GRID2IP: variants seen among roughly 807,000 people sequenced by gnomAD.
GRID2IP encodes the protein Grid2 interacting protein, also known as delphilin.
A neutral mutation model predicts 114.3 loss-of-function variants in GRID2IP; 78 were observed. That is an observed-to-expected ratio of 0.68 (90% CI 0.57 to 0.82). GRID2IP has a LOEUF of 0.82. Ranked by LOEUF, GRID2IP falls within the 40% of genes least tolerant of loss-of-function variation. The probability of loss-of-function intolerance (pLI) is 0.00; values close to 1 mark genes in which losing one functional copy is unlikely to be tolerated. For synonymous variants in GRID2IP, 809 were observed against 724.0 expected, an observed-to-expected ratio of 1.12 and a Z score of -1.89; for missense variants, 1,727 against 1,678.5, an observed-to-expected ratio of 1.03 and a Z score of -0.51.
intron 4 of GRID2IP, among the ~76,000 whole-genome samples, chr7:6,525,536 G>C (rs1562520315): frequency 6.6e-6 from 1 of 151,900 alleles, no homozygotes; most frequent in Non-Finnish European, 1.5e-5. Context: ...GGAGGCTCTG[G>C]AGGCTCAGCT....
At chr7:6,544,747 T>C (rs1249799322) in intron 1 of GRID2IP, among the ~76,000 whole-genome samples, 1 of 152,006 alleles carries the variant, frequency 6.6e-6, no homozygotes, top group Non-Finnish European at 1.5e-5. Flanking sequence ...GGCCAGGAGT[T>C]GGAGACCAGC....
chr7:6,508,443 C>A lies in GRID2IP; in HGVS notation c.2128-42G>T. 1 of 1,549,084 alleles carries A rather than the reference C, an allele frequency of 6.5e-7. No individual in the cohort carries two copies. Among genetic ancestry groups the A allele is most frequent in the Non-Finnish European group, 8.7e-7 (1 of 1,146,462 alleles). On this transcript the variant is annotated intron_variant, in intron 12 of 21. Coordinates refer to ENST00000457091, the MANE Select transcript of GRID2IP (RefSeq NM_001145118.2). This position sits in a 1 kb window ranked among gnomAD's most constrained non-coding sequence, Gnocchi z 5.6. Reference sequence around the variant, plus strand: ...AGGCAAGGGGAGGGTGAGGCTGGGCCCAGAGAGACTAGAGCAGGTGCAAAG... The same window carrying A: ...AGGCAAGGGGAGGGTGAGGCTGGGCACAGAGAGACTAGAGCAGGTGCAAAG...
chr7:6,548,438 C>G (rs1011833870), intron 1 of GRID2IP, among the ~76,000 whole-genome samples: 9 of 152,132 alleles, frequency 5.9e-5, no homozygotes, highest in African/African-American at 2.2e-4. Flanking sequence ...ACCCCATTCT[C>G]CATGACATGC....
Position 6,508,856 on chromosome 7 carries a change from C to G in GRID2IP, c.2127+102G>C. ...GAGTGGGATAGCCTGGGGAAGATCCCAAGGGCAGCAGGCCCCTTGCGGGAG... is the reference window on the plus strand; with the variant it reads ...GAGTGGGATAGCCTGGGGAAGATCCGAAGGGCAGCAGGCCCCTTGCGGGAG... On this transcript the variant is annotated intron_variant, in intron 12 of 21. Transcript: ENST00000457091. This position sits in a 1 kb window ranked among gnomAD's most constrained non-coding sequence, Gnocchi z 5.6. The G allele has an allele frequency of 6.8e-7, 1 of 1,464,274 alleles. No individual in the cohort carries two copies. Among genetic ancestry groups the G allele is most frequent in the East Asian group, 2.5e-5 (1 of 39,962 alleles). 90.7% of individuals were successfully genotyped at this position (1,464,274 alleles called of 1,614,324 possible). A position where few individuals can be genotyped will look rare whatever the true frequency, so the allele number is the denominator to read the frequency against.
intron 1 of GRID2IP, among the ~76,000 whole-genome samples, chr7:6,544,507 T>C (rs1302665993): frequency 6.6e-6 from 1 of 151,880 alleles, no homozygotes; most frequent in Non-Finnish European, 1.5e-5. Context: ...CTCGAGCTCC[T>C]GACCTCAGGT....
chr7:6,527,610 G>A (rs776835806), intron 2 of GRID2IP, among the ~76,000 whole-genome samples: 2 of 152,178 alleles, frequency 1.3e-5, no homozygotes, highest in Non-Finnish European at 2.9e-5. Context: ...TCTCTTGAGA[G>A]AGGGTCTTGC....
rs180829374 is a variant in GRID2IP at position 6,521,699 on chromosome 7, T to C, written c.990-176A>G. Among the ~76,000 whole-genome samples, 1 of 152,284 alleles carries C rather than the reference T, an allele frequency of 6.6e-6. No homozygotes were observed. Among genetic ancestry groups the C allele is most frequent in the African/African-American group, 2.4e-5 (1 of 41,562 alleles). ...TGGTTGGAAGGATGAACTGAGGTCC[T>C]GGCTAGAGTTGGCGACTGGCGAGGA... On this transcript the variant is annotated intron_variant, in intron 5 of 21. Coordinates refer to ENST00000457091, the MANE Select transcript of GRID2IP (RefSeq NM_001145118.2). The surrounding 1 kb of genome is among the most constrained non-coding windows in gnomAD (Gnocchi z 4.1).
At chr7:6,505,745 T>C (rs1365677323) in intron 14 of GRID2IP, 75 bp downstream of exon 14, 1 of 913,982 alleles carries the variant, frequency 1.1e-6, no homozygotes, top group African/African-American at 1.6e-5. Context: ...AGTGCAGCCC[T>C]GGGAGATGCT....
At position 6,516,065 on chromosome 7, in the gene GRID2IP, C is replaced by A. The variant is rs1259880115; in HGVS notation, c.1269-1536G>T. Among the ~76,000 whole-genome samples the A allele has an allele frequency of 6.6e-6, 1 of 151,804 alleles. No homozygotes were observed. The highest frequency in any genetic ancestry group is 1.5e-5 in the Non-Finnish European group (1 of 67,988). ...TGAGCTGAGATCGCGCCATTGCACT[C>A]CAGCCTGGGTGACAGAGCAAGACCC... On this transcript the variant is annotated intron_variant, in intron 7 of 21. Transcript: ENST00000457091. The surrounding 1 kb of genome is among the most constrained non-coding windows in gnomAD (Gnocchi z 4.3).
chr7:6,508,436 G>A lies in GRID2IP; in HGVS notation c.2128-35C>T, dbSNP rs1442377298. The stretch of plus-strand genomic sequence containing the variant: ...GGGAGAGAGGCAAGGGGAGGGTGAG[G>A]CTGGGCCCAGAGAGACTAGAGCAGG... On this transcript the variant is annotated intron_variant, in intron 12 of 21. Coordinates refer to ENST00000457091, the MANE Select transcript of GRID2IP (RefSeq NM_001145118.2). The surrounding 1 kb of genome is among the most constrained non-coding windows in gnomAD (Gnocchi z 5.6). 1.3e-6 allele frequency: 2 copies of A among 1,550,060 alleles called. No individual in the cohort carries two copies. Among genetic ancestry groups the A allele is most frequent in the South Asian group, 1.2e-5 (1 of 83,978 alleles).
rs1454777493 is a variant in GRID2IP, at chr7:6,539,719, T to C, written c.583A>G (p.Arg195Gly). Residue 195 changes from arginine to glycine, a missense_variant and splice_region_variant, in exon 2 of 22, where the codon AGG becomes GGG. Arg to Gly is a moderately radical substitution (Grantham distance 125). Coordinates refer to ENST00000457091, the MANE Select transcript of GRID2IP (RefSeq NM_001145118.2). ...TATCCTGCCCCCTGCCCGCAGTACC[T>C]GAGGTTGTCCAGGAGTGGCCCGCAG... is the stretch of plus-strand genomic sequence containing the variant. ...EACGPLLDNL[R>G]IFIPKKHRAR... 5.2e-6 allele frequency: 8 copies of C among 1,547,752 alleles called. No homozygotes were observed. The highest frequency in any genetic ancestry group is 1.4e-5 in the African/African-American group (1 of 72,966).
chr7:6,535,493 C>A (rs138786781), intron 2 of GRID2IP, among the ~76,000 whole-genome samples: 7 of 152,272 alleles, frequency 4.6e-5, no homozygotes, highest in African/African-American at 1.7e-4. Flanking sequence ...GGGTCCTGGC[C>A]TCCTTGCAGA....
At chr7:6,512,187 G>A (rs1160895666) in intron 8 of GRID2IP, among the ~76,000 whole-genome samples, 1 of 149,000 alleles carries the variant, frequency 6.7e-6, no homozygotes, top group Non-Finnish European at 1.5e-5. Context: ...AAAGTGCTGG[G>A]ATTACAGATG....
Position 6,520,065 on chromosome 7 carries a change from G to A in GRID2IP, c.1268+513C>T, listed in dbSNP as rs1779384480. On this transcript the variant is annotated intron_variant, in intron 7 of 21. Transcript: ENST00000457091. The surrounding 1 kb of genome is among the most constrained non-coding windows in gnomAD (Gnocchi z 4.6). ...CCGAGGCGGGCAGATCACGAGGTCA[G>A]GAGTTTGAGACCAGCCTGACCAACA... Among the ~76,000 whole-genome samples, 2 of 152,106 alleles carry A rather than the reference G, an allele frequency of 1.3e-5. No homozygotes were observed.
chr7:6,502,403 C>A (rs1273757225), intron 18 of GRID2IP, among the ~76,000 whole-genome samples: 1 of 152,076 alleles, frequency 6.6e-6, no homozygotes, highest in Non-Finnish European at 1.5e-5. Flanking sequence ...TTTTGTAGAA[C>A]TGGGGTCTAG....
Position 6,508,195 on chromosome 7 carries a change from C to T in GRID2IP, c.2334G>A (p.Arg778=). The T allele has an allele frequency of 6.6e-7, 1 of 1,510,202 alleles. No homozygotes were observed. Among genetic ancestry groups the T allele is most frequent in the Non-Finnish European group, 8.9e-7 (1 of 1,129,766 alleles). The allele number at this position is 1,510,202 out of a possible 1,614,324, so 93.6% of individuals were successfully genotyped here. A position where few individuals can be genotyped will look rare whatever the true frequency, so the allele number is the denominator to read the frequency against. The change falls in exon 13 of 22, where the codon CGG becomes CGA. Residue 778 remains arginine, a synonymous_variant. Transcript: ENST00000457091. This position sits in a 1 kb window ranked among gnomAD's most constrained non-coding sequence, Gnocchi z 5.6. ...GCTTGGCCAGCGCCTGAGCAGGGCC[C>T]CGGGAACCATCAGAGCTGCGGGAGC... The part of the protein sequence containing the change: ...KPSSRSSDGS[R]GPAQALAKPL...
rs886359056 is a variant in GRID2IP, at chr7:6,510,908, C to T, written c.1555G>A (p.Gly519Ser). The T allele has an allele frequency of 1.8e-5, 28 of 1,549,804 alleles. No homozygotes were observed. The highest frequency in any genetic ancestry group is 5.9e-5 in the Admixed American group (3 of 50,832). ...ACCCTCCCCCTGACACCAGCCTTAC[C>T]GCAGCTGAGGCCGGCCTCCAGGCCC... is the stretch of plus-strand genomic sequence containing the variant. ...SQGLEAGLSC[G>S]PSECPEMPLP... Residue 519 changes from glycine (G) to serine (S), a missense_variant and splice_region_variant, in exon 9 of 22, where the codon GGT becomes AGT. Transcript: ENST00000457091.
intron 1 of GRID2IP, among the ~76,000 whole-genome samples, chr7:6,542,568 G>C (rs916333377): frequency 3.9e-5 from 6 of 152,060 alleles, no homozygotes; most frequent in African/African-American, 1.2e-4. Context: ...TGAAGTGAGA[G>C]GATCACTTGA....
chr7:6,500,583 A>G (rs1786385954), intron 20 of GRID2IP, among the ~76,000 whole-genome samples: 1 of 152,212 alleles, frequency 6.6e-6, no homozygotes, highest in South Asian at 2.1e-4. Flanking sequence ...AGGAAAGGGC[A>G]GGGGTAGATC....
Sources: allele counts gnomAD v4.1 joint callset (sites outside exome capture counted in the v4.1 genomes callset), GRCh38; gene constraint gnomAD v4.1.1; non-coding constraint Gnocchi (gnomAD v3.1); transcripts MANE v1.5; gene names NCBI Gene and HGNC (gene_info 2026-07-23, HGNC 2026-07-21).